CATSPERB: variants seen among roughly 807,000 people sequenced by gnomAD.
The protein encoded by CATSPERB is catsper channel auxiliary subunit beta, also known as cation channel sperm-associated auxiliary subunit beta.
CATSPERB carries 93 observed loss-of-function variants against 128.3 expected under a neutral mutation model. The ratio of observed to expected loss-of-function variants is 0.72; its 90% confidence interval spans 0.61 to 0.86. CATSPERB has a LOEUF of 0.86. Ranked by LOEUF, CATSPERB falls within the 40% of genes least tolerant of loss-of-function variation. The pLI is 0.00. For missense variants in CATSPERB, 1,153 were observed against 1,329.5 expected, an observed-to-expected ratio of 0.87 and a Z score of 2.06; for synonymous variants, 381 against 448.8, an observed-to-expected ratio of 0.85 and a Z score of 1.91.
chr14:91,693,914 C>T (rs1444981123), intron 7 of CATSPERB, among the ~76,000 whole-genome samples: 4 of 151,962 alleles, frequency 2.6e-5, no homozygotes, highest in African/African-American at 9.7e-5. Context: ...CTCCTTTTAC[C>T]AGAAAAAGAA....
chr14:91,626,359 CTTTTTTTTTTTT>C (rs71120179), intron 17 of CATSPERB, among the ~76,000 whole-genome samples: 2 of 76,838 alleles, frequency 2.6e-5, no homozygotes, highest in Middle Eastern at 0.014. Flanking sequence ...AGAGGTGGGA[CTTTTTTTTTTTT>C]TTTTTTTTTT....
At chr14:91,699,774 T>G (rs1240151634) in intron 7 of CATSPERB, among the ~76,000 whole-genome samples, 1 of 152,010 alleles carries the variant, frequency 6.6e-6, no homozygotes, top group Non-Finnish European at 1.5e-5. Flanking sequence ...GATTTCACCA[T>G]GTTGGCCAGG....
intron 5 of CATSPERB, 38 bp from the exon 6 acceptor site, chr14:91,708,274 T>C: frequency 7.6e-7 from 1 of 1,322,074 alleles, no homozygotes; most frequent in Non-Finnish European, 1.1e-6. Flanking sequence ...AACTATTTTT[T>C]CATATGTTGT....
Position 91,580,831 on chromosome 14 carries a change from G to A in CATSPERB, c.*58C>T. 1 of 1,310,486 alleles carries A rather than the reference G, an allele frequency of 7.6e-7. No individual in the cohort carries two copies. Among genetic ancestry groups the A allele is most frequent in the South Asian group, 1.3e-5 (1 of 79,994 alleles). The allele number at this position is 1,310,486 out of a possible 1,614,324, so 81.2% of individuals were successfully genotyped here. On this transcript the variant is annotated 3_prime_UTR_variant, in exon 27 of 27. Coordinates refer to ENST00000256343, the MANE Select transcript of CATSPERB (RefSeq NM_024764.4). ...TGCATATTTAACATTTAAATATATT[G>A]TTCTAGGAATTGGCTGATAAAACTA... is the stretch of plus-strand genomic sequence containing the variant.
At chr14:91,624,163 C>T (rs1425011631) in intron 18 of CATSPERB, among the ~76,000 whole-genome samples, 1 of 152,116 alleles carries the variant, frequency 6.6e-6, no homozygotes, top group Non-Finnish European at 1.5e-5. Flanking sequence ...GCCTGGCTAA[C>T]AAGGTGAAAC....
intron 10 of CATSPERB, among the ~76,000 whole-genome samples, chr14:91,687,612 G>A (rs1320369409): frequency 6.6e-6 from 1 of 152,092 alleles, no homozygotes; most frequent in Non-Finnish European, 1.5e-5. Flanking sequence ...CCCAGTCTAT[G>A]GTAATTTTGT....
intron 23 of CATSPERB, among the ~76,000 whole-genome samples, chr14:91,591,299 C>T (rs1893396080): frequency 6.6e-6 from 1 of 152,048 alleles, no homozygotes; most frequent in African/African-American, 2.4e-5. Flanking sequence ...AGGTGATCCA[C>T]CGGCGTTGGC....
At chr14:91,611,164 A>C (rs1893818542) in intron 20 of CATSPERB, among the ~76,000 whole-genome samples, 1 of 152,256 alleles carries the variant, frequency 6.6e-6, no homozygotes, top group African/African-American at 2.4e-5. Flanking sequence ...AAAGAAAAGA[A>C]ATACAAAAAG....
At chr14:91,610,777 C>T in intron 20 of CATSPERB, 100 bp from the exon 21 acceptor site, 1 of 1,101,292 alleles carries the variant, frequency 9.1e-7, no homozygotes, top group Non-Finnish European at 1.3e-6. Flanking sequence ...CCTCCAGTAT[C>T]TCAAAATGTG....
intron 14 of CATSPERB, among the ~76,000 whole-genome samples, chr14:91,663,179 G>C (rs947700853): frequency 1.3e-5 from 2 of 152,050 alleles, no homozygotes; most frequent in Admixed American, 1.3e-4. Context: ...GAGACTCTGT[G>C]ATCTGATTCG....
intron 11 of CATSPERB, among the ~76,000 whole-genome samples, chr14:91,681,342 T>C (rs1165265837): frequency 6.6e-6 from 1 of 152,158 alleles, no homozygotes; most frequent in Non-Finnish European, 1.5e-5. Flanking sequence ...CACCCCTTCC[T>C]ACAACTTGTA....
At chr14:91,665,917 T>G (rs918093910) in intron 14 of CATSPERB, among the ~76,000 whole-genome samples, 2 of 152,154 alleles carry the variant, frequency 1.3e-5, no homozygotes, top group African/African-American at 2.4e-5. Flanking sequence ...CCTACCCAGA[T>G]CTCATCTTGA....
chr14:91,684,749 G>A (rs568444088), intron 10 of CATSPERB, among the ~76,000 whole-genome samples: 94 of 151,592 alleles, frequency 6.2e-4, no homozygotes, highest in African/African-American at 2.2e-3. Context: ...TGAGTAGCTG[G>A]GATTATAGTC....
chr14:91,654,083 A>G (rs1349803566), intron 15 of CATSPERB, among the ~76,000 whole-genome samples: 1 of 152,172 alleles, frequency 6.6e-6, no homozygotes, highest in Non-Finnish European at 1.5e-5. Context: ...GGGATAAAGA[A>G]GGAGGTGGGT....
intron 23 of CATSPERB, among the ~76,000 whole-genome samples, chr14:91,590,851 C>T (rs1489700426): frequency 6.6e-6 from 1 of 151,850 alleles, no homozygotes; most frequent in East Asian, 2.0e-4. Flanking sequence ...CAGGGTTTCA[C>T]CGTGTTAGCC....
chr14:91,713,280 A>G (rs1357662036), intron 5 of CATSPERB, among the ~76,000 whole-genome samples: 1 of 111,884 alleles, frequency 8.9e-6, no homozygotes, highest in Non-Finnish European at 2.1e-5. Flanking sequence ...AACTTAACAA[A>G]CTAGGAAAAA....
intron 15 of CATSPERB, among the ~76,000 whole-genome samples, chr14:91,656,242 G>T (rs1894784934): frequency 6.6e-6 from 1 of 152,000 alleles, no homozygotes; most frequent in African/African-American, 2.4e-5. Context: ...TCATCTGAAG[G>T]TACAAAACTC....
intron 14 of CATSPERB, 86 bp from the exon 15 acceptor site, chr14:91,660,067 T>C (rs939681978): frequency 4.4e-5 from 53 of 1,191,018 alleles, no homozygotes; most frequent in Non-Finnish European, 5.8e-5. Context: ...AGAATAGCCA[T>C]GTGGCATGAT....
At chr14:91,607,722 C>T (rs1018243407) in intron 22 of CATSPERB, among the ~76,000 whole-genome samples, 1 of 152,156 alleles carries the variant, frequency 6.6e-6, no homozygotes, top group Non-Finnish European at 1.5e-5. Context: ...ATATGACTGT[C>T]TGTGCATGTG....
Sources: gnomAD v4.1 joint callset for allele counts (sites outside exome capture counted in the v4.1 genomes callset) on GRCh38, gnomAD v4.1.1 for gene constraint, MANE v1.5 for transcripts, NCBI Gene and HGNC (gene_info 2026-07-23, HGNC 2026-07-21) for gene names.